The following TBC1D30 variants were observed in gnomAD, a reference collection of about 807,000 sequenced individuals.
The protein encoded by TBC1D30 is TBC1 domain family, member 30.
A neutral mutation model predicts 63.2 loss-of-function variants in TBC1D30; 31 were observed. The ratio of observed to expected loss-of-function variants is 0.49; its 90% CI spans 0.37 to 0.66. TBC1D30 has a LOEUF of 0.66. Ranked by LOEUF, TBC1D30 falls within the 30% of genes least tolerant of loss-of-function variation. TBC1D30 has a pLI of 0.00. For synonymous variants in TBC1D30, 307 were observed against 361.5 expected (o/e 0.85, Z 1.71); for missense variants, 810 against 953.6 (o/e 0.85, Z 1.98).
intron 2 of TBC1D30, among the ~76,000 whole-genome samples, chr12:64,803,057 T>C (rs370885074): frequency 4.6e-5 from 7 of 152,192 alleles, no homozygotes; most frequent in African/African-American, 1.2e-4. Context: ...TTCTAGATCC[T>C]TGAGGAATCG....
intron 11 of TBC1D30, among the ~76,000 whole-genome samples, 178 bp downstream of exon 11, chr12:64,870,986 A>G (rs972229974): frequency 2.5e-4 from 38 of 152,210 alleles, no homozygotes; most frequent in African/African-American, 8.2e-4. Context: ...ATCAGGCTCT[A>G]AAGAAGAAAA....
chr12:64,866,524 G>A (rs937380728), intron 9 of TBC1D30, among the ~76,000 whole-genome samples: 1 of 151,846 alleles, frequency 6.6e-6, no homozygotes, highest in East Asian at 1.9e-4. Context: ...TGCAACCTCC[G>A]CCTCCCGGGT....
intron 2 of TBC1D30, among the ~76,000 whole-genome samples, chr12:64,810,590 G>C (rs541417419): frequency 1.3e-5 from 2 of 152,156 alleles, no homozygotes; most frequent in African/African-American, 4.8e-5. Flanking sequence ...GCAACAGAGC[G>C]AGACTCCGTC....
At chr12:64,861,920 G>A (rs1877827353) in intron 8 of TBC1D30, among the ~76,000 whole-genome samples, 1 of 151,992 alleles carries the variant, frequency 6.6e-6, no homozygotes, top group East Asian at 1.9e-4. Flanking sequence ...AAATTACAAG[G>A]GTATGGATAC....
chr12:64,837,518 T>C (rs1206797501), intron 6 of TBC1D30, among the ~76,000 whole-genome samples: 1 of 151,840 alleles, frequency 6.6e-6, no homozygotes, highest in African/African-American at 2.4e-5. Flanking sequence ...CCGTTCACAA[T>C]AGGCCTTGTG....
chr12:64,873,510 C>G (rs981483454), intron 11 of TBC1D30, among the ~76,000 whole-genome samples: 30 of 152,050 alleles, frequency 2.0e-4, no homozygotes, highest in African/African-American at 7.2e-4. Context: ...AAGCGGTCAG[C>G]CATGCATCTG....
At chr12:64,787,639 A>AATCCT (rs1182400031) in intron 2 of TBC1D30, among the ~76,000 whole-genome samples, 2 of 152,178 alleles carry the variant, frequency 1.3e-5, no homozygotes, top group Non-Finnish European at 2.9e-5. Context: ...ATTAAAAGAA[A>AATCCT]ATCCTGTATT....
At chr12:64,785,767 C>T in intron 1 of TBC1D30, 3 of 813,550 alleles carry the variant, frequency 3.7e-6, no homozygotes, top group South Asian at 3.4e-5. Context: ...TGAGTGAAAA[C>T]CTAGAATTAG....
At chr12:64,768,304 T>C (rs1392834259) in intron 1 of TBC1D30, 1 of 152,218 alleles carries the variant, frequency 6.6e-6, no homozygotes, top group Admixed American at 6.5e-5. Context: ...ATATCTTGAT[T>C]ACAAGTTTCT....
rs140962666 is a variant in TBC1D30 at position 64,808,459 on chromosome 12, C to A, written c.644-19376C>A. Among the ~76,000 whole-genome samples, 1,270 of 152,164 alleles carry A rather than the reference C, an allele frequency of 8.3e-3. 8 individuals carry two copies. The highest frequency in any genetic ancestry group is 0.051 in the Middle Eastern group (15 of 294). On this transcript the variant is annotated intron_variant, in intron 2 of 12. Transcript: ENST00000542120. ...ACATTGCTTGCACAGGGGAGGTGCT[C>A]AAAAATGTTTGCCATAAGATGAACT...
intron 8 of TBC1D30, among the ~76,000 whole-genome samples, chr12:64,847,275 C>CT (rs1351541469): frequency 1.3e-5 from 2 of 151,844 alleles, no homozygotes; most frequent in African/African-American, 2.4e-5. Context: ...GATCTTCTCT[C>CT]TTTTTTTCTT....
intron 1 of TBC1D30, among the ~76,000 whole-genome samples, chr12:64,765,954 G>T (rs941948478): frequency 6.6e-6 from 1 of 152,130 alleles, no homozygotes; most frequent in Admixed American, 6.5e-5. Flanking sequence ...CCAGGCTGCA[G>T]TGAGCCATGA....
intron 3 of TBC1D30, among the ~76,000 whole-genome samples, chr12:64,828,986 C>G (rs1276170308): frequency 2.8e-5 from 4 of 142,478 alleles, no homozygotes; most frequent in African/African-American, 7.7e-5. Flanking sequence ...GCGGGAGCAT[C>G]TTGCATCTGG....
At chr12:64,810,194 A>C (rs1358668157) in intron 2 of TBC1D30, among the ~76,000 whole-genome samples, 1 of 152,090 alleles carries the variant, frequency 6.6e-6, no homozygotes. Context: ...TATAGCTCCC[A>C]CTTCCAACAG....
At chr12:64,821,528 G>A (rs1322470711), upstream of TBC1D30, among the ~76,000 whole-genome samples, 4 of 152,144 alleles carry the variant, frequency 2.6e-5, no homozygotes, top group African/African-American at 2.4e-5. Context: ...TCTGGAAGAC[G>A]AGACTGTGCA....
At chr12:64,806,791 G>C (rs1050141985) in intron 2 of TBC1D30, among the ~76,000 whole-genome samples, 2 of 152,198 alleles carry the variant, frequency 1.3e-5, no homozygotes, top group Non-Finnish European at 2.9e-5. Flanking sequence ...TGCATCAGCG[G>C]ATGAATGGAT....
chr12:64,845,681 G>T (rs147569662), intron 8 of TBC1D30, among the ~76,000 whole-genome samples: 1 of 149,930 alleles, frequency 6.7e-6, no homozygotes, highest in African/African-American at 2.5e-5. Context: ...AGCCGAGATC[G>T]TGCCACTGTA....
At chr12:64,874,920 G>T in intron 11 of TBC1D30, 81 bp from the exon 12 acceptor site, 1 of 1,326,942 alleles carries the variant, frequency 7.5e-7, no homozygotes, top group Non-Finnish European at 1.0e-6. Flanking sequence ...GGGGCTGGGA[G>T]GACCTCTAAG....
intron 1 of TBC1D30, among the ~76,000 whole-genome samples, chr12:64,782,676 A>T (rs1871353597): frequency 1.3e-5 from 2 of 152,226 alleles, no homozygotes; most frequent in African/African-American, 4.8e-5. Context: ...TTGGCAGACT[A>T]AAGTTTAAAG....
Sources: gnomAD v4.1 joint callset for allele counts (sites outside exome capture counted in the v4.1 genomes callset) on GRCh38, gnomAD v4.1.1 for gene constraint, MANE v1.5 for transcripts, NCBI Gene and HGNC (gene_info 2026-07-23, HGNC 2026-07-21) for gene names.